SGCZ: variants seen among roughly 807,000 people sequenced by gnomAD.
SGCZ encodes sarcoglycan zeta, also known as zeta-sarcoglycan.
Under a neutral mutation model 41.3 loss-of-function variants are expected in SGCZ, and 40 were observed. The ratio of observed to expected loss-of-function variants is 0.97; its 90% CI spans 0.75 to 1.26. SGCZ has a LOEUF of 1.26. Ranked by LOEUF, SGCZ falls within the 50% of genes most tolerant of loss-of-function variation. The probability of loss-of-function intolerance (pLI) is 0.00; values close to 1 mark genes in which losing one functional copy is unlikely to be tolerated. For synonymous variants in SGCZ, 206 were observed against 137.5 expected, an observed-to-expected ratio of 1.50 and a Z score of -3.49; for missense variants, 552 against 369.8, an observed-to-expected ratio of 1.49 and a Z score of -4.04.
intron 1 of SGCZ, among the ~76,000 whole-genome samples, chr8:14,639,975 T>A (rs764245608): frequency 4.2e-4 from 64 of 151,644 alleles, no homozygotes; most frequent in Non-Finnish European, 6.8e-4. Context: ...GAAAGATAAA[T>A]CCCGAGATAT....
intron 1 of SGCZ, among the ~76,000 whole-genome samples, chr8:14,967,658 A>T (rs1801165297): frequency 3.9e-5 from 6 of 152,140 alleles, no homozygotes; most frequent in Admixed American, 3.9e-4. Flanking sequence ...TCTCAGTGAC[A>T]CTTCTTACAG....
intron 2 of SGCZ, among the ~76,000 whole-genome samples, chr8:14,498,785 T>C (rs1442271250): frequency 6.6e-6 from 1 of 152,086 alleles, no homozygotes; most frequent in Admixed American, 6.6e-5. Context: ...TAAAAACATA[T>C]ATTTTAAATC....
chr8:14,107,175 C>A (rs1380676562), intron 6 of SGCZ, among the ~76,000 whole-genome samples: 1 of 151,544 alleles, frequency 6.6e-6, no homozygotes, highest in Non-Finnish European at 1.5e-5. Context: ...GAGATAGCAC[C>A]GCTGCACTCC....
intron 2 of SGCZ, among the ~76,000 whole-genome samples, chr8:14,524,600 A>T (rs77113962): frequency 0.033 from 5,044 of 152,234 alleles, 268 homozygotes; most frequent in African/African-American, 0.11. Context: ...TATAACAATG[A>T]TACCTTTGAA....
intron 1 of SGCZ, among the ~76,000 whole-genome samples, chr8:15,104,677 A>G (rs1040205542): frequency 2.6e-5 from 3 of 115,248 alleles, no homozygotes; most frequent in Admixed American, 1.0e-4. Context: ...CACGTGTAAA[A>G]CTTGTTTTTT....
chr8:14,269,044 A>G lies in SGCZ; in HGVS notation c.337-31365T>C, dbSNP rs7842675. Among the ~76,000 whole-genome samples the G allele has an allele frequency of 1.1e-3, 174 of 152,144 alleles. 2 individuals are homozygous for G. Among genetic ancestry groups the G allele is most frequent in the African/African-American group, 4.0e-3 (166 of 41,554 alleles). Reference sequence around the variant, plus strand: ...AATATATAAAACAATAATAATCACAAAATCCAATTCTATATCATTAAACAC... The same window carrying G: ...AATATATAAAACAATAATAATCACAGAATCCAATTCTATATCATTAAACAC... On this transcript the variant is annotated intron_variant, in intron 3 of 7. Transcript: ENST00000382080.
At chr8:14,454,212 G>A (rs1563339951) in intron 2 of SGCZ, among the ~76,000 whole-genome samples, 1 of 152,122 alleles carries the variant, frequency 6.6e-6, no homozygotes, top group Non-Finnish European at 1.5e-5. Context: ...GGTTAAGAAG[G>A]TTGATTGGTC....
At chr8:14,682,164 C>A (rs1204317284) in intron 1 of SGCZ, among the ~76,000 whole-genome samples, 1 of 151,754 alleles carries the variant, frequency 6.6e-6, no homozygotes, top group Non-Finnish European at 1.5e-5. Flanking sequence ...AGAGAATAGC[C>A]GATCAATTTG....
intron 1 of SGCZ, among the ~76,000 whole-genome samples, chr8:14,613,597 C>T (rs1241219029): frequency 6.6e-6 from 1 of 152,114 alleles, no homozygotes; most frequent in African/African-American, 2.4e-5. Context: ...AAAACAAATC[C>T]TTCTAAATTT....
intron 2 of SGCZ, among the ~76,000 whole-genome samples, chr8:14,526,506 G>C (rs1802954632): frequency 6.6e-6 from 1 of 152,016 alleles, no homozygotes; most frequent in African/African-American, 2.4e-5. Context: ...GAATTACAAT[G>C]TTTTCAAAGT....
At chr8:14,096,914 A>T (rs10103999) in intron 7 of SGCZ, among the ~76,000 whole-genome samples, 1 of 151,374 alleles carries the variant, frequency 6.6e-6, no homozygotes, top group Non-Finnish European at 1.5e-5. Context: ...ATTATTCTCT[A>T]GTAGTTTGTA....
intron 2 of SGCZ, among the ~76,000 whole-genome samples, chr8:14,403,085 CTGTT>C: frequency 7.0e-6 from 1 of 142,698 alleles, no homozygotes; most frequent in African/African-American, 3.1e-5. Context: ...ATTTGGCTCT[CTGTT>C]TGTCTGCTGT....
chr8:14,442,249 G>T (rs933195047), intron 2 of SGCZ, among the ~76,000 whole-genome samples: 1 of 152,170 alleles, frequency 6.6e-6, no homozygotes, highest in African/African-American at 2.4e-5. Flanking sequence ...ATGAGATCCG[G>T]TCTTGCCCGT....
intron 2 of SGCZ, among the ~76,000 whole-genome samples, chr8:14,347,833 T>C (rs909642812): frequency 1.3e-5 from 2 of 152,132 alleles, no homozygotes; most frequent in East Asian, 1.9e-4. Flanking sequence ...ATTCTATTCA[T>C]ACACCAAAGA....
Position 14,229,141 on chromosome 8 carries a change from G to A in SGCZ, c.424+8451C>T, listed in dbSNP as rs573509301. 3.7e-4 allele frequency among the ~76,000 whole-genome samples: 57 copies of A among 152,234 alleles called. 1 individual carries two copies. The highest frequency in any genetic ancestry group is 1.0e-3 in the Admixed American group (16 of 15,270). On this transcript the variant is annotated intron_variant, in intron 4 of 7. Coordinates refer to ENST00000382080, the MANE Select transcript of SGCZ (RefSeq NM_139167.4). ...GGAAGGAAAATCTCTAGAATTCCCT[G>A]ATTCTGCACTTCTATCTGTACAAAT...
chr8:14,812,394 G>A (rs2130541196), intron 1 of SGCZ, among the ~76,000 whole-genome samples: 1 of 152,122 alleles, frequency 6.6e-6, no homozygotes, highest in Middle Eastern at 3.4e-3. Flanking sequence ...AAATCTGTTA[G>A]CCATGTCAGA....
chr8:14,115,042 T>C (rs924473121), intron 5 of SGCZ, among the ~76,000 whole-genome samples: 1 of 151,872 alleles, frequency 6.6e-6, no homozygotes, highest in African/African-American at 2.4e-5. Context: ...AATTCCTACC[T>C]CCAAAAAAAA....
Position 14,908,774 on chromosome 8 carries a change from T to C in SGCZ, c.39+328811A>G, listed in dbSNP as rs149712583. ...AAAAAAAAAAAAAAAGAGAGAGAGA[T>C]TCAGAGAACCTAATTCACTATAAAA... On this transcript the variant is annotated intron_variant, in intron 1 of 7. Coordinates refer to ENST00000382080, the MANE Select transcript of SGCZ (RefSeq NM_139167.4). 3.8e-3 allele frequency among the ~76,000 whole-genome samples: 556 copies of C among 146,950 alleles called. 4 individuals carry two copies. Among genetic ancestry groups the C allele is most frequent in the African/African-American group, 0.014 (538 of 39,778 alleles).
chr8:14,257,840 T>C (rs1264474436), intron 3 of SGCZ, among the ~76,000 whole-genome samples: 1 of 152,176 alleles, frequency 6.6e-6, no homozygotes, highest in African/African-American at 2.4e-5. Flanking sequence ...TCTTTGGCAA[T>C]TTGTGTTAAG....
Sources: gnomAD v4.1 joint callset for allele counts (sites outside exome capture counted in the v4.1 genomes callset) on GRCh38, gnomAD v4.1.1 for gene constraint, MANE v1.5 for transcripts, NCBI Gene and HGNC (gene_info 2026-07-23, HGNC 2026-07-21) for gene names.